The following LRBA variants were observed in gnomAD, a reference collection of about 807,000 sequenced individuals.
LRBA encodes the protein LPS responsive beige-like anchor protein.
LRBA carries 176 observed loss-of-function variants against 330.0 expected under a neutral mutation model. The observed-to-expected ratio is 0.53, with a 90% CI of 0.47 to 0.60. The LOEUF (loss-of-function observed/expected upper bound fraction) is 0.60, where lower values mean the gene tolerates loss of function less well. Among genes scored for constraint, LRBA ranks in the 20% least tolerant of loss-of-function variants. The pLI, the probability that LRBA is intolerant of heterozygous loss-of-function variation, is 0.00. For synonymous variants in LRBA, 1,230 were observed against 1,193.0 expected, an observed-to-expected ratio of 1.03 and a Z score of -0.64; for missense variants, 3,259 against 3,444.8, an observed-to-expected ratio of 0.95 and a Z score of 1.35.
At chr4:150,462,670 T>G (rs1432179786) in intron 44 of LRBA, among the ~76,000 whole-genome samples, 1 of 151,796 alleles carries the variant, frequency 6.6e-6, no homozygotes, top group Non-Finnish European at 1.5e-5. Flanking sequence ...AAAAACAGCT[T>G]TGGCAAAATT....
At chr4:150,629,223 T>A (rs907745429) in intron 37 of LRBA, among the ~76,000 whole-genome samples, 3 of 152,170 alleles carry the variant, frequency 2.0e-5, no homozygotes, top group Admixed American at 6.5e-5. Flanking sequence ...ATGTAATGGG[T>A]TAAGGAAGTA....
chr4:150,758,777 G>A (rs965807032), intron 35 of LRBA, among the ~76,000 whole-genome samples: 1 of 151,772 alleles, frequency 6.6e-6, no homozygotes, highest in Admixed American at 6.6e-5. Flanking sequence ...GTCTCACTAT[G>A]TTGCCCAGGC....
rs1451491554 is a variant in LRBA at position 150,831,881 on chromosome 4, T to C, written c.4665A>G (p.Gln1555=). The C allele has an allele frequency of 1.2e-6, 2 of 1,605,800 alleles. No homozygotes were observed. Among genetic ancestry groups the C allele is most frequent in the Non-Finnish European group, 1.7e-6 (2 of 1,175,936 alleles). Residue 1555 remains glutamine, a synonymous_variant, in exon 29 of 57, where the codon CAA becomes CAG. Transcript: ENST00000651943. ...TACATGACTGGCTATGCCTTTCATT[T>C]TGGGGTTCCAAAATGTCTCTGTACT... ...VSKYRDILEP[Q]NERHSQSCTE...
intron 38 of LRBA, among the ~76,000 whole-genome samples, chr4:150,592,144 GTTTTTTTTTTTT>G (rs10685627): frequency 1.7e-4 from 11 of 65,166 alleles, no homozygotes; most frequent in African/African-American, 3.4e-4. Flanking sequence ...GATGGCTAGG[GTTTTTTTTTTTT>G]TTTTTTTTTT....
At chr4:150,890,848 C>T (rs1175497934) in intron 17 of LRBA, among the ~76,000 whole-genome samples, 2 of 152,084 alleles carry the variant, frequency 1.3e-5, no homozygotes, top group African/African-American at 2.4e-5. Flanking sequence ...CTTGCCCAGA[C>T]TTTCAATAGA....
chr4:150,356,272 C>A (rs1351727727), intron 47 of LRBA, among the ~76,000 whole-genome samples: 1 of 152,006 alleles, frequency 6.6e-6, no homozygotes, highest in Non-Finnish European at 1.5e-5. Context: ...AAAAGTTTAG[C>A]CTGTTCAAAC....
At chr4:150,373,935 T>A (rs1245417318) in intron 47 of LRBA, among the ~76,000 whole-genome samples, 1 of 152,174 alleles carries the variant, frequency 6.6e-6, no homozygotes, top group South Asian at 2.1e-4. Context: ...TTCTAAGATA[T>A]TCCTTTTCTG....
intron 34 of LRBA, among the ~76,000 whole-genome samples, chr4:150,776,287 A>G (rs933906020): frequency 5.3e-5 from 8 of 152,076 alleles, no homozygotes; most frequent in African/African-American, 1.9e-4. Flanking sequence ...ACTGCATTCC[A>G]GCCTAGGTGA....
intron 47 of LRBA, among the ~76,000 whole-genome samples, chr4:150,357,319 C>CA (rs1480756999): frequency 1.3e-5 from 2 of 151,900 alleles, no homozygotes; most frequent in Non-Finnish European, 2.9e-5. Flanking sequence ...ACTAGTCAAC[C>CA]AGCTGTTATA....
At chr4:150,966,686 A>T (rs1404140665) in intron 2 of LRBA, among the ~76,000 whole-genome samples, 1 of 152,136 alleles carries the variant, frequency 6.6e-6, no homozygotes, top group Non-Finnish European at 1.5e-5. Flanking sequence ...TTTCTAGATA[A>T]TTTTTTGTAT....
At chr4:150,932,675 G>A (rs1015919635) in intron 2 of LRBA, among the ~76,000 whole-genome samples, 16 of 152,086 alleles carry the variant, frequency 1.1e-4, no homozygotes, top group Non-Finnish European at 2.4e-4. Flanking sequence ...CGGGACTTTG[G>A]GAGGCCGAGG....
intron 35 of LRBA, among the ~76,000 whole-genome samples, chr4:150,736,970 T>C (rs1211181975): frequency 1.3e-5 from 2 of 152,094 alleles, no homozygotes; most frequent in African/African-American, 4.8e-5. Flanking sequence ...TCCCAGCACT[T>C]TGGGAGGTCC....
intron 2 of LRBA, among the ~76,000 whole-genome samples, chr4:150,940,133 G>A (rs927101711): frequency 1.3e-5 from 2 of 152,030 alleles, no homozygotes; most frequent in African/African-American, 4.8e-5. Context: ...GCTGGGCATA[G>A]TGGCTTATGC....
intron 36 of LRBA, among the ~76,000 whole-genome samples, chr4:150,732,902 T>A (rs997021154): frequency 1.3e-5 from 2 of 152,078 alleles, no homozygotes. Context: ...TCTGGAAGAA[T>A]TTTAATATAT....
intron 53 of LRBA, among the ~76,000 whole-genome samples, chr4:150,293,254 T>C (rs1337533792): frequency 1.3e-5 from 2 of 152,200 alleles, no homozygotes; most frequent in East Asian, 3.8e-4. Context: ...CGGCTCACCA[T>C]AATGGTAAAT....
At chr4:150,376,855 G>A (rs1311332203) in intron 47 of LRBA, among the ~76,000 whole-genome samples, 1 of 151,900 alleles carries the variant, frequency 6.6e-6, no homozygotes, top group African/African-American at 2.4e-5. Flanking sequence ...ATGCCCATAT[G>A]GAAAAAGTAG....
intron 35 of LRBA, among the ~76,000 whole-genome samples, chr4:150,758,659 G>T (rs368801722): frequency 6.8e-6 from 1 of 148,010 alleles, no homozygotes; most frequent in African/African-American, 2.5e-5. Flanking sequence ...CTGCAGCCTC[G>T]ACCTCCTGGG....
intron 36 of LRBA, among the ~76,000 whole-genome samples, chr4:150,704,338 A>T (rs1396940706): frequency 6.6e-6 from 1 of 152,024 alleles, no homozygotes; most frequent in Non-Finnish European, 1.5e-5. Flanking sequence ...GGTGGGGCAA[A>T]GATACTGGAG....
chr4:150,303,050 C>A (rs772323646), intron 52 of LRBA, among the ~76,000 whole-genome samples: 1 of 152,210 alleles, frequency 6.6e-6, no homozygotes, highest in African/African-American at 2.4e-5. Context: ...GACCATGGCA[C>A]TGTATCATTA....
Sources: gnomAD v4.1 joint callset for allele counts (sites outside exome capture counted in the v4.1 genomes callset) on GRCh38, gnomAD v4.1.1 for gene constraint, MANE v1.5 for transcripts, NCBI Gene and HGNC (gene_info 2026-07-23, HGNC 2026-07-21) for gene names.